RARB: variants seen among roughly 807,000 people sequenced by gnomAD.
The protein encoded by RARB is HBV-activated protein.
Under a neutral mutation model 51.9 loss-of-function variants are expected in RARB, and 17 were observed. The observed-to-expected ratio is 0.33, with a 90% confidence interval of 0.22 to 0.49. The LOEUF (loss-of-function observed/expected upper bound fraction) is 0.49. Among genes scored for constraint, RARB ranks in the 20% least tolerant of loss-of-function variants. RARB has a pLI of 0.99. For synonymous variants in RARB, 215 were observed against 195.4 expected, an observed-to-expected ratio of 1.10 and a Z score of -0.84; for missense variants, 369 against 550.8, an observed-to-expected ratio of 0.67 and a Z score of 3.30.
intron 1 of RARB, among the ~76,000 whole-genome samples, chr3:25,457,562 A>C (rs1337666696): frequency 6.6e-6 from 1 of 152,236 alleles, no homozygotes; most frequent in African/African-American, 2.4e-5. Flanking sequence ...CCATAGGAAA[A>C]GATCCAATCT....
intron 3 of RARB, among the ~76,000 whole-genome samples, chr3:25,104,510 A>C (rs1357507990): frequency 6.6e-6 from 1 of 152,098 alleles, no homozygotes; most frequent in Non-Finnish European, 1.5e-5. Flanking sequence ...TTGGCATAGC[A>C]GTGCATATCT....
intron 5 of RARB, among the ~76,000 whole-genome samples, chr3:25,244,846 A>T (rs1200195263): frequency 6.6e-6 from 1 of 152,296 alleles, no homozygotes; most frequent in Non-Finnish European, 1.5e-5. Context: ...TCCAGAGCTG[A>T]GTTCAAGTCC....
intron 5 of RARB, among the ~76,000 whole-genome samples, chr3:25,192,964 A>G (rs1575208757): frequency 1.3e-5 from 2 of 152,176 alleles, no homozygotes; most frequent in East Asian, 3.9e-4. Flanking sequence ...TGAAGCTTAC[A>G]TTCTAGAAGG....
At chr3:25,178,489 C>A (rs1359846243) in intron 5 of RARB, among the ~76,000 whole-genome samples, 5 of 152,036 alleles carry the variant, frequency 3.3e-5, no homozygotes, top group Non-Finnish European at 5.9e-5. Flanking sequence ...AAAGAGCTTA[C>A]ATAACCAGTT....
At chr3:25,172,249 A>G (rs1700659982) in intron 4 of RARB, among the ~76,000 whole-genome samples, 1 of 152,188 alleles carries the variant, frequency 6.6e-6, no homozygotes, top group Non-Finnish European at 1.5e-5. Flanking sequence ...TTTCCTCTGT[A>G]GAGTACAACC....
Position 25,280,586 on chromosome 3 carries a change from G to GA in RARB, c.178+106017dup, listed in dbSNP as rs200478627. Among the ~76,000 whole-genome samples the GA allele has an allele frequency of 8.5e-3, 1,300 of 152,194 alleles. 15 individuals carry two copies. The highest frequency in any genetic ancestry group is 0.02 in the Middle Eastern group (6 of 294). ...TGTCAAATAATTTTAGTTGGATATT[G>GA]AAAAAACAGTGCCTCCCACCCACCC... On this transcript the variant is annotated intron_variant, in intron 5 of 11. Transcript: ENST00000383772.
intron 3 of RARB, among the ~76,000 whole-genome samples, chr3:25,092,821 G>A (rs972494587): frequency 6.6e-6 from 1 of 152,136 alleles, no homozygotes; most frequent in African/African-American, 2.4e-5. Flanking sequence ...GTGTAAGGGA[G>A]AATGATGCAC....
rs552712569 is a variant in RARB, at chr3:25,232,462, T to C, written c.178+57887T>C. Among the ~76,000 whole-genome samples, 16 of 152,232 alleles carry C rather than the reference T, an allele frequency of 1.1e-4. No individual in the cohort carries two copies. In the East Asian group the frequency reaches 3.1e-3, roughly 29 times the overall value. ...AATCCATGAATCTAGTATATCTCTATGTATTATATATTAATAAAAGAAAAC... is the reference window on the plus strand; with the variant it reads ...AATCCATGAATCTAGTATATCTCTACGTATTATATATTAATAAAAGAAAAC... On this transcript the variant is annotated intron_variant, in intron 5 of 11. Coordinates refer to the RARB transcript ENST00000383772.
At chr3:25,273,700 A>T (rs551678147) in intron 5 of RARB, among the ~76,000 whole-genome samples, 2 of 152,226 alleles carry the variant, frequency 1.3e-5, no homozygotes, top group Admixed American at 1.3e-4. Flanking sequence ...TTATGGTTTC[A>T]TATTGCCCAT....
chr3:25,425,886 ATG>A (rs1559395354), upstream of RARB, among the ~76,000 whole-genome samples: 1 of 152,188 alleles, frequency 6.6e-6, no homozygotes, highest in Non-Finnish European at 1.5e-5. Context: ...TTAAGCAAGA[ATG>A]TGCAGCAGCC....
chr3:24,853,537 A>G (rs941138125), intron 1 of RARB, among the ~76,000 whole-genome samples: 7 of 152,194 alleles, frequency 4.6e-5, no homozygotes, highest in Admixed American at 3.3e-4. Flanking sequence ...TGAAACTAAT[A>G]GCCTGCAGGC....
intron 5 of RARB, among the ~76,000 whole-genome samples, chr3:25,380,939 C>T (rs1160320415): frequency 1.3e-5 from 2 of 152,146 alleles, no homozygotes; most frequent in Non-Finnish European, 2.9e-5. Flanking sequence ...ATCCTTATCT[C>T]CTGCATTTTA....
Position 25,098,961 on chromosome 3 carries a change from C to T in RARB, c.-327-33200C>T, listed in dbSNP as rs553737886. 5.9e-5 allele frequency among the ~76,000 whole-genome samples: 9 copies of T among 152,272 alleles called. No individual in the cohort carries two copies. In the South Asian group the frequency reaches 1.7e-3, roughly 28 times the overall value. On this transcript the variant is annotated intron_variant, in intron 3 of 11. Coordinates refer to the RARB transcript ENST00000383772. Reference sequence around the variant, plus strand: ...CTCTAAGATATTTAAGATGCTGCAGCCTCATGACATCCCTGTTTTGAGTGG... The same window carrying T: ...CTCTAAGATATTTAAGATGCTGCAGTCTCATGACATCCCTGTTTTGAGTGG...
At chr3:25,113,280 C>T (rs1699632858) in intron 3 of RARB, among the ~76,000 whole-genome samples, 1 of 152,094 alleles carries the variant, frequency 6.6e-6, no homozygotes, top group South Asian at 2.1e-4. Flanking sequence ...ATTCTGTTCC[C>T]AGTTTCTCTT....
exon 5 of RARB, chr3:25,174,374 C>T (rs1055731732): frequency 8.1e-6 from 11 of 1,351,198 alleles, no homozygotes; most frequent in African/African-American, 4.4e-5. Flanking sequence ...TCCAGAGCAC[C>T]TTTCTTTCTG....
chr3:25,214,002 C>T (rs1175375960), intron 5 of RARB, among the ~76,000 whole-genome samples: 2 of 152,100 alleles, frequency 1.3e-5, no homozygotes, highest in Non-Finnish European at 2.9e-5. Flanking sequence ...AAAAAATAAT[C>T]CAGAGATGCC....
chr3:25,153,165 C>T (rs992676092), intron 4 of RARB, among the ~76,000 whole-genome samples: 6 of 150,922 alleles, frequency 4.0e-5, no homozygotes, highest in Admixed American at 6.6e-5. Flanking sequence ...TGTGTGCATG[C>T]GTGCGTGCAT....
chr3:25,114,133 G>A (rs1909527), intron 3 of RARB, among the ~76,000 whole-genome samples: 74,487 of 152,054 alleles, frequency 0.49, 18,675 homozygotes, highest in East Asian at 0.67. Flanking sequence ...AGGTAGAGGT[G>A]GGGTAAGGCA....
chr3:24,875,247 G>T (rs74757347), intron 2 of RARB, among the ~76,000 whole-genome samples: 2 of 152,056 alleles, frequency 1.3e-5, no homozygotes, highest in Admixed American at 6.5e-5. Context: ...GGTTGCCGAA[G>T]TTGATACTAT....
Sources: gnomAD v4.1 joint callset for allele counts (sites outside exome capture counted in the v4.1 genomes callset) on GRCh38, gnomAD v4.1.1 for gene constraint, MANE v1.5 for transcripts, NCBI Gene and HGNC (gene_info 2026-07-23, HGNC 2026-07-21) for gene names.